Variants in ITPR1 observed in about 807,000 individuals in gnomAD.
ITPR1 encodes the protein inositol 1,4,5-trisphosphate receptor type 1.
Under a neutral mutation model 318.4 loss-of-function variants are expected in ITPR1, and 96 were observed. That is an observed-to-expected ratio of 0.30 (90% CI 0.26 to 0.36). The LOEUF (loss-of-function observed/expected upper bound fraction) is 0.36, where lower values mean the gene tolerates loss of function less well. ITPR1 is among the 10% of genes least tolerant of loss of function. ITPR1 has a pLI of 1.00. For missense variants in ITPR1, 2,440 were observed against 3,460.2 expected, an observed-to-expected ratio of 0.71 and a Z score of 7.40; for synonymous variants, 1,312 against 1,289.9, an observed-to-expected ratio of 1.02 and a Z score of -0.37.
At chr3:4,792,203 G>C (rs1312957906) in intron 52 of ITPR1, among the ~76,000 whole-genome samples, 1 of 152,072 alleles carries the variant, frequency 6.6e-6, no homozygotes, top group Non-Finnish European at 1.5e-5. Context: ...GACCTACCTA[G>C]ATAATCCAAG....
rs1378283324 is a variant in ITPR1 at position 4,501,791 on chromosome 3, A to G, written c.-17+7285A>G. Among the ~76,000 whole-genome samples the G allele has an allele frequency of 2.6e-5, 4 of 152,224 alleles. No homozygotes were observed. In the East Asian group the frequency reaches 7.7e-4, roughly 29 times the overall value. Reference sequence around the variant, plus strand: ...ATTCGCTGTTCACATGAAGGCAGAAAGAGACCAGAAGGCACATGTACCCCT... The same window carrying G: ...ATTCGCTGTTCACATGAAGGCAGAAGGAGACCAGAAGGCACATGTACCCCT... On this transcript the variant is annotated intron_variant, in intron 2 of 61. Coordinates refer to ENST00000649015, the MANE Select transcript of ITPR1 (RefSeq NM_001378452.1).
At chr3:4,758,242 T>C (rs763811478) in intron 44 of ITPR1, among the ~76,000 whole-genome samples, 2 of 152,118 alleles carry the variant, frequency 1.3e-5, no homozygotes, top group Non-Finnish European at 2.9e-5. Flanking sequence ...GAGCGAGGGC[T>C]TCTGAAAGGT....
intron 53 of ITPR1, among the ~76,000 whole-genome samples, chr3:4,796,834 G>A (rs1209328871): frequency 1.3e-5 from 2 of 152,238 alleles, no homozygotes; most frequent in African/African-American, 2.4e-5. Flanking sequence ...TATGTGAAGA[G>A]ATGTTTACAT....
intron 4 of ITPR1, among the ~76,000 whole-genome samples, chr3:4,599,117 A>G (rs2091076304): frequency 6.6e-6 from 1 of 151,592 alleles, no homozygotes; most frequent in African/African-American, 2.4e-5. Flanking sequence ...AGGGTTTCCT[A>G]TGGGTAAAAT....
At chr3:4,515,950 G>C (rs1029093714) in intron 2 of ITPR1, among the ~76,000 whole-genome samples, 1 of 152,184 alleles carries the variant, frequency 6.6e-6, no homozygotes, top group African/African-American at 2.4e-5. Context: ...GGAAATTTGT[G>C]GTATTTATTG....
At chr3:4,711,669 A>G in intron 38 of ITPR1, 88 bp from the exon 39 acceptor site, 1 of 736,184 alleles carries the variant, frequency 1.4e-6, no homozygotes, top group Non-Finnish European at 2.4e-6. Flanking sequence ...TTGTTCATTA[A>G]CGGACTAGTT....
chr3:4,538,277 G>T (rs1443419821), intron 4 of ITPR1, among the ~76,000 whole-genome samples: 1 of 152,084 alleles, frequency 6.6e-6, no homozygotes, highest in African/African-American at 2.4e-5. Flanking sequence ...CATTTATGTG[G>T]CCAAGAAACA....
chr3:4,790,993 T>C (rs1468750652), intron 52 of ITPR1, among the ~76,000 whole-genome samples: 1 of 152,148 alleles, frequency 6.6e-6, no homozygotes, highest in Non-Finnish European at 1.5e-5. Flanking sequence ...AAAGAGGAAA[T>C]CGAGGCAGAG....
At chr3:4,592,491 G>T (rs1194123832) in intron 4 of ITPR1, among the ~76,000 whole-genome samples, 1 of 151,900 alleles carries the variant, frequency 6.6e-6, no homozygotes, top group Non-Finnish European at 1.5e-5. Flanking sequence ...GTCCTCTAGG[G>T]TACAGACACC....
At chr3:4,675,939 G>T (rs1021111098) in intron 23 of ITPR1, among the ~76,000 whole-genome samples, 1 of 152,150 alleles carries the variant, frequency 6.6e-6, no homozygotes, top group African/African-American at 2.4e-5. Flanking sequence ...TGAGGAGACT[G>T]AGGCTTAGAG....
At chr3:4,669,589 T>C (rs1369662731) in intron 18 of ITPR1, 65 bp from the exon 19 acceptor site, 11 of 1,505,900 alleles carry the variant, frequency 7.3e-6, no homozygotes, top group Middle Eastern at 3.6e-4. Flanking sequence ...TAAGGAAGAA[T>C]TGGGGTCCAG....
rs576300952 is a variant in ITPR1, at chr3:4,560,626, A to G, written c.163+39532A>G. On this transcript the variant is annotated intron_variant, in intron 4 of 61. Transcript: ENST00000649015. ...TGGAAGAAGAGAGAACTGGATTTGG[A>G]CTTTTTCTTTCAAGGAGAAAGAAAA... Among the ~76,000 whole-genome samples, 65 of 152,298 alleles carry G rather than the reference A, an allele frequency of 4.3e-4. No homozygotes were observed. The South Asian group carries it at 5.6e-3, about 13-fold the overall frequency.
chr3:4,543,733 A>G (rs754666822), intron 4 of ITPR1, among the ~76,000 whole-genome samples: 10 of 152,194 alleles, frequency 6.6e-5, no homozygotes, highest in African/African-American at 1.4e-4. Flanking sequence ...GTGAGCCACC[A>G]TGCCTGGCCG....
intron 4 of ITPR1, among the ~76,000 whole-genome samples, chr3:4,617,427 GAAGGACAA>G (rs753897373): frequency 3.9e-5 from 6 of 152,110 alleles, no homozygotes; most frequent in Non-Finnish European, 7.3e-5. Context: ...TCATAGGGCA[GAAGGACAA>G]AAGAGCCAAG....
At chr3:4,569,014 G>C (rs891742195) in intron 4 of ITPR1, among the ~76,000 whole-genome samples, 1 of 152,088 alleles carries the variant, frequency 6.6e-6, no homozygotes, top group Non-Finnish European at 1.5e-5. Flanking sequence ...GCTCTTAAAC[G>C]ACCAGATCTC....
chr3:4,499,500 T>C (rs2080859634), intron 2 of ITPR1, among the ~76,000 whole-genome samples: 1 of 152,130 alleles, frequency 6.6e-6, no homozygotes, highest in South Asian at 2.1e-4. Flanking sequence ...CATATATAAA[T>C]AGATATTTGT....
At chr3:4,521,162 T>A (rs1013561461) in intron 4 of ITPR1, 68 bp downstream of exon 4, 1 of 878,960 alleles carries the variant, frequency 1.1e-6, no homozygotes, top group Non-Finnish European at 1.8e-6. Context: ...GTGTTGTTGG[T>A]GTGTGTGTGT....
At chr3:4,813,608 A>C (rs2049083771) in intron 57 of ITPR1, among the ~76,000 whole-genome samples, 2 of 152,214 alleles carry the variant, frequency 1.3e-5, no homozygotes, top group African/African-American at 4.8e-5. Context: ...GCGTATCATC[A>C]AGAAAGTGAT....
At chr3:4,534,261 C>T (rs2083662890) in intron 4 of ITPR1, among the ~76,000 whole-genome samples, 2 of 152,274 alleles carry the variant, frequency 1.3e-5, no homozygotes, top group East Asian at 1.9e-4. Context: ...CCCGTACCAC[C>T]CCCACACCTT....
Sources: allele counts gnomAD v4.1 joint callset (sites outside exome capture counted in the v4.1 genomes callset), GRCh38; gene constraint gnomAD v4.1.1; transcripts MANE v1.5; gene names NCBI Gene and HGNC (gene_info 2026-07-23, HGNC 2026-07-21).